TBXAS1: variants seen among roughly 807,000 people sequenced by gnomAD.
TBXAS1 encodes the protein thromboxane A synthase 1, also known as thromboxane-A synthase.
Under a neutral mutation model 60.7 loss-of-function variants are expected in TBXAS1, and 48 were observed. The ratio of observed to expected loss-of-function variants is 0.79; its 90% confidence interval spans 0.63 to 1.01. The LOEUF is 1.01. TBXAS1 is among the 50% of genes least tolerant of loss of function. The pLI is 0.00. For missense variants in TBXAS1, 685 were observed against 686.3 expected (o/e 1.00, Z 0.02); for synonymous variants, 287 against 269.7 (o/e 1.06, Z -0.63).
intron 3 of TBXAS1, among the ~76,000 whole-genome samples, chr7:139,892,256 T>C (rs1803678520): frequency 6.6e-6 from 1 of 152,200 alleles, no homozygotes; most frequent in Non-Finnish European, 1.5e-5. Context: ...TCCCTACTGA[T>C]GGGACTAGAA....
At chr7:139,955,715 C>T (rs1189391675) in intron 7 of TBXAS1, 108 bp downstream of exon 7, 10 of 1,521,906 alleles carry the variant, frequency 6.6e-6, no homozygotes, top group Non-Finnish European at 9.0e-6. Context: ...TGGGAAAGGG[C>T]ACTCGGGTTG....
chr7:139,800,624 C>T lies in TBXAS1; in HGVS notation c.-80+13198C>T, dbSNP rs191321682. 2.1e-3 allele frequency among the ~76,000 whole-genome samples: 321 copies of T among 152,296 alleles called. 1 individual carries two copies. Among genetic ancestry groups the T allele is most frequent in the African/African-American group, 7.3e-3 (305 of 41,546 alleles). The stretch of plus-strand genomic sequence containing the variant: ...CCAGACCTGAAGCTCCGAAAGACCC[C>T]GGAGTGTTTGTCTTGTTAACCATCG... On this transcript the variant is annotated intron_variant, in intron 4 of 16. Transcript: ENST00000336425.
intron 5 of TBXAS1, among the ~76,000 whole-genome samples, chr7:139,952,180 G>T (rs1413257209): frequency 1.3e-5 from 2 of 152,150 alleles, no homozygotes; most frequent in Non-Finnish European, 2.9e-5. Context: ...TTTTGCCTCA[G>T]TACAACAACA....
At chr7:139,958,829 C>T (rs1002316775) in intron 8 of TBXAS1, among the ~76,000 whole-genome samples, 1 of 152,198 alleles carries the variant, frequency 6.6e-6, no homozygotes, top group Non-Finnish European at 1.5e-5. Flanking sequence ...CTTGGAGGTG[C>T]GGGAAGAAGC....
chr7:139,911,790 A>G (rs1182899635), intron 4 of TBXAS1, among the ~76,000 whole-genome samples: 3 of 152,242 alleles, frequency 2.0e-5, no homozygotes, highest in Admixed American at 2.0e-4. Context: ...TCCCCTAGTA[A>G]GAGAAGGAAA....
rs71170921 is a variant in TBXAS1, at chr7:139,898,413, C to CTTTTT, written c.237-12784_237-12780dup. Among the ~76,000 whole-genome samples, 124 of 82,234 alleles carry CTTTTT rather than the reference C, an allele frequency of 1.5e-3. 12 individuals are homozygous for CTTTTT. Among genetic ancestry groups the CTTTTT allele is most frequent in the African/African-American group, 3.6e-3 (73 of 20,476 alleles). The allele number at this position is 82,234 out of a possible 152,430, so 53.9% of individuals were successfully genotyped here. Reference sequence around the variant, plus strand: ...ATCAGAAGTTTCCCAACGTGCATGGCTTTTTTTTTTTTTTTTTTTTTTTTT... The same window carrying CTTTTT: ...ATCAGAAGTTTCCCAACGTGCATGGCTTTTTTTTTTTTTTTTTTTTTTTTTTTTTT... On this transcript the variant is annotated intron_variant, in intron 3 of 12. Coordinates refer to ENST00000448866, the MANE Select transcript of TBXAS1 (RefSeq NM_001061.7).
chr7:139,860,249 C>A (rs189952041), intron 1 of TBXAS1, among the ~76,000 whole-genome samples: 3 of 152,280 alleles, frequency 2.0e-5, no homozygotes, highest in Admixed American at 2.0e-4. Flanking sequence ...GGTGAGCTCT[C>A]GGCTGGCCTT....
intron 9 of TBXAS1, among the ~76,000 whole-genome samples, chr7:139,995,184 G>C (rs577482281): frequency 1.8e-4 from 27 of 152,280 alleles, no homozygotes; most frequent in Non-Finnish European, 3.2e-4. Flanking sequence ...AAGCAGGAGG[G>C]GCGGGGAGGG....
intron 9 of TBXAS1, among the ~76,000 whole-genome samples, chr7:140,002,830 C>G (rs1813767583): frequency 6.6e-6 from 1 of 152,056 alleles, no homozygotes; most frequent in African/African-American, 2.4e-5. Context: ...ATATAAAAAT[C>G]TGGCTGTTTC....
At chr7:139,836,072 A>G (rs1361151838) in intron 1 of TBXAS1, among the ~76,000 whole-genome samples, 1 of 148,954 alleles carries the variant, frequency 6.7e-6, no homozygotes, top group African/African-American at 2.5e-5. Context: ...ATAAATAAAT[A>G]AATAAATAAA....
At chr7:139,882,196 G>T (rs1802751388) in intron 3 of TBXAS1, among the ~76,000 whole-genome samples, 1 of 152,188 alleles carries the variant, frequency 6.6e-6, no homozygotes, top group Non-Finnish European at 1.5e-5. Flanking sequence ...CTACCATCAT[G>T]GATCAAGAAC....
At chr7:139,906,034 T>C (rs891108141) in intron 3 of TBXAS1, 5 of 353,144 alleles carry the variant, frequency 1.4e-5, no homozygotes, top group African/African-American at 1.1e-4. Flanking sequence ...GGTATGAGGT[T>C]CATATTTTGC....
intron 4 of TBXAS1, among the ~76,000 whole-genome samples, chr7:139,810,756 C>A (rs1798004124): frequency 6.6e-6 from 1 of 152,176 alleles, no homozygotes; most frequent in African/African-American, 2.4e-5. Flanking sequence ...AGAACAGAAT[C>A]TTTTTGCTTT....
At chr7:139,892,619 CAACAAAACAAAACA>C (rs1803717123) in intron 3 of TBXAS1, among the ~76,000 whole-genome samples, 1 of 151,936 alleles carries the variant, frequency 6.6e-6, no homozygotes, top group Admixed American at 6.6e-5. Flanking sequence ...ACAACAACAA[CAACAAAACAAAACA>C]AACAAAAAAA....
At position 139,925,474 on chromosome 7, in the gene TBXAS1, T is replaced by G. The variant is rs113736961; in HGVS notation, c.334-10717T>G. On this transcript the variant is annotated intron_variant, in intron 4 of 12. Transcript: ENST00000448866. Reference sequence around the variant, plus strand: ...CACTGTTGGCATATAGAAATGCTACTGATTTTTGTATGTTGACTTTATACC... The same window carrying G: ...CACTGTTGGCATATAGAAATGCTACGGATTTTTGTATGTTGACTTTATACC... Among the ~76,000 whole-genome samples, 1,110 of 152,354 alleles carry G rather than the reference T, an allele frequency of 7.3e-3. 7 individuals are homozygous for G. Among genetic ancestry groups the G allele is most frequent in the Non-Finnish European group, 0.012 (794 of 68,028 alleles).
intron 3 of TBXAS1, among the ~76,000 whole-genome samples, chr7:139,888,809 G>A (rs1303895573): frequency 5.3e-5 from 8 of 152,156 alleles, no homozygotes; most frequent in Admixed American, 5.2e-4. Flanking sequence ...AAGTAGAGAG[G>A]ACAACCTTGG....
rs150101779 is a variant in TBXAS1 at position 139,850,056 on chromosome 7, G to T, written c.89+20577G>T. Among the ~76,000 whole-genome samples the T allele has an allele frequency of 2.6e-3, 392 of 152,352 alleles. 2 individuals carry two copies. The highest frequency in any genetic ancestry group is 8.7e-3 in the African/African-American group (361 of 41,584). On this transcript the variant is annotated intron_variant, in intron 1 of 12. Coordinates refer to ENST00000448866, the MANE Select transcript of TBXAS1 (RefSeq NM_001061.7). The stretch of plus-strand genomic sequence containing the variant: ...CTTCCGGAAACCACCCTTTGGTGCT[G>T]GCTAGTGGCTGTCAGAAGAAAGGGT...
intron 4 of TBXAS1, among the ~76,000 whole-genome samples, chr7:139,822,027 C>T (rs955800013): frequency 2.6e-5 from 4 of 152,162 alleles, no homozygotes; most frequent in Non-Finnish European, 4.4e-5. Context: ...TCAGGCCACA[C>T]GAGGAATTCA....
intron 3 of TBXAS1, among the ~76,000 whole-genome samples, chr7:139,887,248 A>G (rs926299406): frequency 6.6e-6 from 1 of 152,188 alleles, no homozygotes; most frequent in Admixed American, 6.5e-5. Context: ...TGGCTGGAGG[A>G]CATTATTTTT....
Sources: allele counts gnomAD v4.1 joint callset (sites outside exome capture counted in the v4.1 genomes callset), GRCh38; gene constraint gnomAD v4.1.1; transcripts MANE v1.5; gene names NCBI Gene and HGNC (gene_info 2026-07-23, HGNC 2026-07-21).